Variants in CDH22 observed in about 807,000 individuals in gnomAD.
CDH22 encodes the protein cadherin 22.
A neutral mutation model predicts 58.4 loss-of-function variants in CDH22; 30 were observed. That is an observed-to-expected ratio of 0.51 (90% CI 0.38 to 0.70). The LOEUF is 0.70. Among genes scored for constraint, CDH22 ranks in the 30% least tolerant of loss-of-function variants. CDH22 has a pLI of 0.00. For missense variants in CDH22, 1,014 were observed against 1,233.9 expected (o/e 0.82, Z 2.67); for synonymous variants, 513 against 558.2 (o/e 0.92, Z 1.14).
chr20:46,236,388 C>T (rs1273572792), intron 3 of CDH22, among the ~76,000 whole-genome samples: 2 of 150,774 alleles, frequency 1.3e-5, no homozygotes, highest in Admixed American at 6.7e-5. Context: ...TTCCCTGACC[C>T]CTCTATCTAA....
At chr20:46,285,047 A>C (rs1435550897) in intron 1 of CDH22, among the ~76,000 whole-genome samples, 1 of 151,914 alleles carries the variant, frequency 6.6e-6, no homozygotes, top group East Asian at 1.9e-4. Context: ...GTCTTCATTC[A>C]TCCCCAACAG....
At position 46,213,171 on chromosome 20, in the gene CDH22, T is replaced by C. The variant is rs772033097; in HGVS notation, c.856A>G (p.Ile286Val). Residue 286 changes from isoleucine (I) to valine (V), a missense_variant, in exon 6 of 12, where the codon ATC becomes GTC. By Grantham distance (29) the Ile-to-Val change is conservative. Coordinates refer to ENST00000537909, the MANE Select transcript of CDH22 (RefSeq NM_021248.3). ...RFPQKMYQFSIQESAPIGTAV... is the reference protein window; with the variant it reads ...RFPQKMYQFSVQESAPIGTAV... The stretch of plus-strand genomic sequence containing the variant: ...GTTCCAATGGGGGCTGACTCCTGGA[T>C]GCTGAACTGGTACATCTCTGTGGGG... 3 of 1,614,154 alleles carry C rather than the reference T, an allele frequency of 1.9e-6. No homozygotes were observed. The South Asian group carries it at 3.3e-5, about 18-fold the overall frequency.
At position 46,199,314 on chromosome 20, in the gene CDH22, TTGAC is replaced by T. The variant is rs534796346; in HGVS notation, c.1423+105_1423+108del. The T allele has an allele frequency of 1.9e-5, 26 of 1,346,318 alleles. No individual in the cohort carries two copies. The African/African-American group carries it at 3.6e-4, about 19-fold the overall frequency. 83.4% of individuals were successfully genotyped at this position (1,346,318 alleles called of 1,614,324 possible). A position where few individuals can be genotyped will look rare whatever the true frequency, so the allele number is the denominator to read the frequency against. ...ACCTTTGGCCCCTCCCCCGTGGGCT[TTGAC>T]TGACAGGGCTGCCTTGGCCCTGCCC... On this transcript the variant is annotated intron_variant, in intron 8 of 11. Transcript: ENST00000537909.
chr20:46,192,371 C>T (rs994376598), intron 8 of CDH22, among the ~76,000 whole-genome samples: 2 of 152,124 alleles, frequency 1.3e-5, no homozygotes, highest in South Asian at 2.1e-4. Flanking sequence ...GGGATTGGGT[C>T]CCCTCCATTT....
chr20:46,213,109 C>T lies in CDH22; in HGVS notation c.918G>A (p.Val306=), dbSNP rs1373750075. ...VGRVKAEDSD[V]GENTDMTYHL... Reference sequence around the variant, plus strand: ...GGTAAGTCATGTCTGTGTTCTCTCCCACGTCTGAGTCCTCAGCCTTCACAC... The same window carrying T: ...GGTAAGTCATGTCTGTGTTCTCTCCTACGTCTGAGTCCTCAGCCTTCACAC... Residue 306 remains valine (V), a synonymous_variant, in exon 6 of 12, where the codon GTG becomes GTA. Coordinates refer to ENST00000537909, the MANE Select transcript of CDH22 (RefSeq NM_021248.3). 6.2e-7 allele frequency: 1 copy of T among 1,614,186 alleles called. No homozygotes were observed. Among genetic ancestry groups the T allele is most frequent in the Non-Finnish European group, 8.5e-7 (1 of 1,180,030 alleles).
chr20:46,219,931 GGT>G (rs2086111919), intron 4 of CDH22: 1 of 152,322 alleles, frequency 6.6e-6, no homozygotes, highest in Admixed American at 6.5e-5. Context: ...GGGAAGGTGG[GGT>G]GTGTCATATT....
chr20:46,243,639 T>G (rs1600713848), intron 2 of CDH22, among the ~76,000 whole-genome samples: 1 of 152,188 alleles, frequency 6.6e-6, no homozygotes, highest in African/African-American at 2.4e-5. Context: ...CTCTCCTGTT[T>G]GCTGTTTATA....
intron 1 of CDH22, among the ~76,000 whole-genome samples, chr20:46,267,551 C>A (rs1222382008): frequency 6.6e-6 from 1 of 152,344 alleles, no homozygotes; most frequent in East Asian, 1.9e-4. Flanking sequence ...AGTGAGCTTC[C>A]GCCCCAGCAT....
chr20:46,282,239 A>G (rs543747672), intron 1 of CDH22, among the ~76,000 whole-genome samples: 186 of 152,328 alleles, frequency 1.2e-3, no homozygotes, highest in Non-Finnish European at 1.9e-3. Flanking sequence ...AAATGAATAC[A>G]ACGTGCCCAG....
chr20:46,184,609 T>A (rs2145652117), intron 10 of CDH22, among the ~76,000 whole-genome samples: 1 of 152,342 alleles, frequency 6.6e-6, no homozygotes, highest in East Asian at 1.9e-4. Flanking sequence ...GGTTTTGTTG[T>A]GTTTGCTGTT....
chr20:46,232,085 C>T (rs1253278698), intron 3 of CDH22, among the ~76,000 whole-genome samples: 1 of 152,176 alleles, frequency 6.6e-6, no homozygotes, highest in East Asian at 1.9e-4. Context: ...GCCTACTCCT[C>T]ATCTCTGTGT....
intron 7 of CDH22, among the ~76,000 whole-genome samples, chr20:46,203,983 C>T (rs1020797084): frequency 7.2e-5 from 11 of 152,038 alleles, no homozygotes; most frequent in African/African-American, 2.7e-4. Context: ...CAAGGGAGGC[C>T]TGGGAATGGT....
In CDH22 at chr20:46,174,430, G is replaced by A. The variant is rs1365737520; in HGVS notation, c.*76C>T. 8 of 1,059,774 alleles carry A rather than the reference G, an allele frequency of 7.5e-6. No individual in the cohort carries two copies. The highest frequency in any genetic ancestry group is 1.0e-5 in the Non-Finnish European group (8 of 780,960). The allele number at this position is 1,059,774 out of a possible 1,614,324, so 65.6% of individuals were successfully genotyped here. A position where few individuals can be genotyped will look rare whatever the true frequency, so the allele number is the denominator to read the frequency against. On this transcript the variant is annotated 3_prime_UTR_variant, in exon 12 of 12. Transcript: ENST00000537909. The surrounding 1 kb of genome is among the most constrained non-coding windows in gnomAD (Gnocchi z 4.4). ...GGGAGGGCAGGAAAGGGGGTCCGCG[G>A]GGGAAACGCGTTGTCCTGGGGCCCC...
chr20:46,281,459 C>G (rs2086550595), intron 1 of CDH22, among the ~76,000 whole-genome samples: 1 of 98,894 alleles, frequency 1.0e-5, no homozygotes, highest in Non-Finnish European at 2.8e-5. Flanking sequence ...GGAAAAAAAT[C>G]ACATACGCCT....
intron 7 of CDH22, among the ~76,000 whole-genome samples, chr20:46,201,966 A>G (rs182964714): frequency 5.3e-5 from 8 of 152,274 alleles, no homozygotes; most frequent in African/African-American, 1.7e-4. Context: ...GGTCTGTGCT[A>G]GACTCTGGGG....
chr20:46,177,923 T>C (rs370997653), intron 11 of CDH22, 23 bp downstream of exon 11: 5 of 1,611,170 alleles, frequency 3.1e-6, no homozygotes, highest in African/African-American at 2.7e-5. Flanking sequence ...CAGGCAGGGC[T>C]GGGTGGCTCT....
chr20:46,184,271 G>C (rs976008688), intron 10 of CDH22, among the ~76,000 whole-genome samples: 1 of 152,026 alleles, frequency 6.6e-6, no homozygotes, highest in African/African-American at 2.4e-5. Flanking sequence ...ACTAATTTTT[G>C]TATTTTTAGT....
chr20:46,210,307 C>T lies in CDH22; in HGVS notation c.1286G>A (p.Arg429Gln). The change falls in exon 7 of 12, where the codon CGG becomes CAG. Residue 429 changes from arginine (R) to glutamine (Q), a missense_variant and splice_region_variant. Physicochemically the swap from Arg to Gln is conservative, Grantham distance 43. Transcript: ENST00000537909. The surrounding 1 kb of genome is among the most constrained non-coding windows in gnomAD (Gnocchi z 4.5). ...RDPDAANRPV[R>Q]YAIDRESDLD... ...CGTCGGCCCCGGGCGGGGGTCTCAC[C>T]GGACGGGCCGGTTGGCGGCGTCGGG... 1 of 1,428,910 alleles carries T rather than the reference C, an allele frequency of 7.0e-7. No homozygotes were observed. Among genetic ancestry groups the T allele is most frequent in the African/African-American group, 1.5e-5 (1 of 66,698 alleles). 88.5% of individuals were successfully genotyped at this position (1,428,910 alleles called of 1,614,324 possible).
intron 1 of CDH22, among the ~76,000 whole-genome samples, chr20:46,280,508 A>C (rs919572614): frequency 6.6e-6 from 1 of 152,158 alleles, no homozygotes; most frequent in Non-Finnish European, 1.5e-5. Flanking sequence ...TCCTCTGAGC[A>C]CCTTCTCAGG....
Sources: gnomAD v4.1 joint callset for allele counts (sites outside exome capture counted in the v4.1 genomes callset) on GRCh38, gnomAD v4.1.1 for gene constraint, Gnocchi (gnomAD v3.1) non-coding constraint, MANE v1.5 for transcripts, NCBI Gene and HGNC (gene_info 2026-07-23, HGNC 2026-07-21) for gene names.